TMED3: variants seen among roughly 807,000 people sequenced by gnomAD.
TMED3 encodes transmembrane p24 trafficking protein 3.
Under a neutral mutation model 15.0 loss-of-function variants are expected in TMED3, and 9 were observed. The observed-to-expected ratio is 0.60, with a 90% CI of 0.36 to 1.04. The LOEUF (loss-of-function observed/expected upper bound fraction) is 1.04, where lower values mean the gene tolerates loss of function less well. Among genes scored for constraint, TMED3 ranks in the 50% least tolerant of loss-of-function variants. The probability of loss-of-function intolerance (pLI) is 0.01; values close to 1 mark genes in which losing one functional copy is unlikely to be tolerated. For missense variants in TMED3, 267 were observed against 278.9 expected (o/e 0.96, Z 0.30); for synonymous variants, 117 against 121.4 (o/e 0.96, Z 0.24).
chr15:79,363,345 T>G (rs73473726), intron 2 of TMED3, among the ~76,000 whole-genome samples: 5,048 of 152,186 alleles, frequency 0.033, 265 homozygotes, highest in African/African-American at 0.11. Flanking sequence ...ACTAAAAACT[T>G]GTAAAACTTC....
intron 2 of TMED3, among the ~76,000 whole-genome samples, chr15:79,381,993 A>G (rs771354667): frequency 6.6e-6 from 1 of 152,196 alleles, no homozygotes; most frequent in Admixed American, 6.5e-5. Context: ...CAGTTTCCCC[A>G]TTAGTAAAAT....
chr15:79,321,814 G>T (rs1299166381), intron 2 of TMED3, among the ~76,000 whole-genome samples, 164 bp from the exon 3 acceptor site: 2 of 152,194 alleles, frequency 1.3e-5, no homozygotes, highest in African/African-American at 4.8e-5. Context: ...CTTCAATTAG[G>T]CTTGTTGTGA....
chr15:79,411,681 G>A, exon 3 of TMED3: 2 of 559,606 alleles, frequency 3.6e-6, no homozygotes, highest in South Asian at 2.1e-5. Flanking sequence ...CTCACCACAG[G>A]CCTCTGGAAT....
At chr15:79,402,210 C>T (rs1893842747) in intron 2 of TMED3, among the ~76,000 whole-genome samples, 1 of 152,124 alleles carries the variant, frequency 6.6e-6, no homozygotes, top group Non-Finnish European at 1.5e-5. Flanking sequence ...AGAGAATGTG[C>T]CCCATAGATG....
intron 2 of TMED3, among the ~76,000 whole-genome samples, chr15:79,319,153 A>G (rs1297141375): frequency 6.6e-6 from 1 of 152,088 alleles, no homozygotes; most frequent in Non-Finnish European, 1.5e-5. Context: ...ACCCAGTCTA[A>G]CTCTATCAGT....
At chr15:79,358,677 G>T (rs559752263) in intron 2 of TMED3, among the ~76,000 whole-genome samples, 3 of 152,298 alleles carry the variant, frequency 2.0e-5, no homozygotes, top group African/African-American at 7.2e-5. Flanking sequence ...TTCCATCAGT[G>T]GATATTCAGC....
At chr15:79,326,951 C>A (rs1177505706), downstream of TMED3, among the ~76,000 whole-genome samples, 2 of 152,168 alleles carry the variant, frequency 1.3e-5, no homozygotes, top group African/African-American at 4.8e-5. Context: ...CCACTCATGG[C>A]AGAAGGCAAA....
At chr15:79,351,229 T>C (rs1255270689) in intron 2 of TMED3, among the ~76,000 whole-genome samples, 1 of 152,220 alleles carries the variant, frequency 6.6e-6, no homozygotes, top group Admixed American at 6.5e-5. Flanking sequence ...AAGCCACTTG[T>C]CTATTCTGGG....
At chr15:79,367,270 T>C (rs1893254348) in intron 2 of TMED3, among the ~76,000 whole-genome samples, 1 of 152,152 alleles carries the variant, frequency 6.6e-6, no homozygotes, top group Non-Finnish European at 1.5e-5. Context: ...GAAGTGGAAA[T>C]CACTCCAGCA....
chr15:79,319,903 G>T (rs770065291), intron 2 of TMED3, among the ~76,000 whole-genome samples: 1 of 152,196 alleles, frequency 6.6e-6, no homozygotes, highest in African/African-American at 2.4e-5. Flanking sequence ...AGGTACACAG[G>T]ATGGAACATG....
At chr15:79,386,582 C>T (rs1893628625) in intron 2 of TMED3, among the ~76,000 whole-genome samples, 1 of 152,080 alleles carries the variant, frequency 6.6e-6, no homozygotes, top group Non-Finnish European at 1.5e-5. Flanking sequence ...CACTGTTGCC[C>T]AGGCTGGAGT....
rs779967326 is a variant in TMED3, at chr15:79,322,021, T to C, written c.461T>C (p.Val154Ala). 17 of 1,614,148 alleles carry C rather than the reference T, an allele frequency of 1.1e-5. No individual in the cohort carries two copies. The highest frequency in any genetic ancestry group is 1.4e-5 in the Non-Finnish European group (16 of 1,180,034). The change falls in exon 3 of 3, where the codon GTG becomes GCG. Residue 154 changes from valine (V) to alanine (A), a missense_variant. By Grantham distance (64) the Val-to-Ala change is moderately conservative. This residue lies in a region of TMED3 where 139 missense variants were observed against 125.0 expected (regional missense o/e 1.11). Coordinates refer to ENST00000299705, the MANE Select transcript of TMED3 (RefSeq NM_007364.4). The stretch of plus-strand genomic sequence containing the variant: ...ACCATCCATGAGGCTCTGAAAACGG[T>C]GATTGACTCCCAGACGCATTACCGG... Reference protein sequence around the residue: ...CVTIHEALKTVIDSQTHYRLR... With the variant: ...CVTIHEALKTAIDSQTHYRLR...
chr15:79,407,999 G>A (rs1055984857), intron 2 of TMED3, among the ~76,000 whole-genome samples: 1 of 152,168 alleles, frequency 6.6e-6, no homozygotes, highest in Non-Finnish European at 1.5e-5. Context: ...CAGAGTACTA[G>A]TTCCTACCCT....
At chr15:79,382,460 A>G (rs1255271043) in intron 2 of TMED3, among the ~76,000 whole-genome samples, 1 of 152,194 alleles carries the variant, frequency 6.6e-6, no homozygotes, top group Non-Finnish European at 1.5e-5. Context: ...ACTTGCTGAT[A>G]CCCACATGAG....
intron 2 of TMED3, among the ~76,000 whole-genome samples, chr15:79,350,300 G>T (rs1008522618): frequency 6.6e-6 from 1 of 152,126 alleles, no homozygotes; most frequent in Non-Finnish European, 1.5e-5. Flanking sequence ...TAGGAGAATT[G>T]ACTCACATAA....
intron 2 of TMED3, among the ~76,000 whole-genome samples, chr15:79,381,573 A>G (rs183021556): frequency 1.2e-4 from 18 of 152,326 alleles, no homozygotes; most frequent in African/African-American, 4.1e-4. Context: ...AATGTCACAG[A>G]GGTTTGTTCC....
chr15:79,349,861 A>T (rs2058885379), intron 2 of TMED3, among the ~76,000 whole-genome samples: 1 of 152,188 alleles, frequency 6.6e-6, no homozygotes, highest in African/African-American at 2.4e-5. Flanking sequence ...ATTGGAGGAC[A>T]TTAATCCCTG....
intron 2 of TMED3, among the ~76,000 whole-genome samples, chr15:79,343,083 G>A (rs926760540): frequency 1.3e-5 from 2 of 152,150 alleles, no homozygotes; most frequent in South Asian, 4.1e-4. Context: ...ATAAGGGTTT[G>A]TTTGAGGAAC....
intron 2 of TMED3, among the ~76,000 whole-genome samples, chr15:79,407,832 A>G (rs941402972): frequency 1.3e-5 from 2 of 152,194 alleles, no homozygotes; most frequent in Admixed American, 6.5e-5. Flanking sequence ...GTAGTGGTCC[A>G]TTGAGGATTT....
Sources: gnomAD v4.1 joint callset for allele counts (sites outside exome capture counted in the v4.1 genomes callset) on GRCh38, gnomAD v4.1.1 for gene constraint, gnomAD v4.1.1 regional missense constraint, MANE v1.5 for transcripts, NCBI Gene and HGNC (gene_info 2026-07-23, HGNC 2026-07-21) for gene names.